Variants in PDE8B observed in about 807,000 individuals in gnomAD.
The protein encoded by PDE8B is phosphodiesterase 8B.
A neutral mutation model predicts 101.3 loss-of-function variants in PDE8B; 26 were observed. The observed-to-expected ratio is 0.26, with a 90% CI of 0.19 to 0.36. The LOEUF is 0.36. Among genes scored for constraint, PDE8B ranks in the 10% least tolerant of loss-of-function variants. The pLI is 1.00. For synonymous variants in PDE8B, 424 were observed against 429.3 expected, an observed-to-expected ratio of 0.99 and a Z score of 0.15; for missense variants, 810 against 1,163.1, an observed-to-expected ratio of 0.70 and a Z score of 4.42.
chr5:77,234,697 T>TC (rs1754319634), intron 1 of PDE8B, among the ~76,000 whole-genome samples: 1 of 152,156 alleles, frequency 6.6e-6, no homozygotes, highest in Admixed American at 6.5e-5. Context: ...TCCAGATTCT[T>TC]CCCCAAGATT....
intron 11 of PDE8B, among the ~76,000 whole-genome samples, chr5:77,403,209 C>T (rs766476533): frequency 6.6e-6 from 1 of 152,062 alleles, no homozygotes; most frequent in African/African-American, 2.4e-5. Flanking sequence ...TTAACATGAC[C>T]GTGCGTTTTC....
intron 10 of PDE8B, among the ~76,000 whole-genome samples, chr5:77,389,003 T>C (rs1429400353): frequency 1.3e-5 from 2 of 152,204 alleles, no homozygotes; most frequent in African/African-American, 4.8e-5. Context: ...CTGAGCTTTC[T>C]GGGCTCTGTG....
chr5:77,219,479 T>C (rs1028723533), intron 1 of PDE8B, among the ~76,000 whole-genome samples: 23 of 152,152 alleles, frequency 1.5e-4, no homozygotes, highest in African/African-American at 5.1e-4. Context: ...AAGATGCCGT[T>C]CTGACGTCAG....
chr5:77,323,907 C>T (rs948294399), intron 2 of PDE8B, among the ~76,000 whole-genome samples: 3 of 151,946 alleles, frequency 2.0e-5, no homozygotes, highest in Non-Finnish European at 2.9e-5. Flanking sequence ...TGCAGTGAGC[C>T]GAGATTGTGC....
intron 10 of PDE8B, among the ~76,000 whole-genome samples, chr5:77,371,138 T>A (rs1785019615): frequency 6.6e-6 from 1 of 152,222 alleles, no homozygotes; most frequent in African/African-American, 2.4e-5. Context: ...TTTGATAGTT[T>A]AATTTGTTAA....
intron 20 of PDE8B, among the ~76,000 whole-genome samples, chr5:77,424,238 C>A (rs763069271): frequency 6.6e-6 from 1 of 152,140 alleles, no homozygotes; most frequent in Admixed American, 6.5e-5. Flanking sequence ...GAGGACCTGA[C>A]GTACTACTCC....
intron 3 of PDE8B, among the ~76,000 whole-genome samples, chr5:77,326,406 T>C (rs549022023): frequency 2.9e-4 from 44 of 152,258 alleles, no homozygotes; most frequent in African/African-American, 1.0e-3. Flanking sequence ...CAAGACAGAG[T>C]CCAGTTGCAT....
chr5:77,189,099 T>C, the PDE8B span, among the ~76,000 whole-genome samples: 1 of 152,166 alleles, frequency 6.6e-6, no homozygotes, highest in Non-Finnish European at 1.5e-5. Flanking sequence ...ACTGCTGTCA[T>C]TCACACCCCC....
chr5:77,312,155 G>C (rs1470627771), intron 2 of PDE8B, 102 bp downstream of exon 2: 2 of 826,726 alleles, frequency 2.4e-6, no homozygotes, highest in African/African-American at 3.6e-5. Context: ...CCAGGCTGGA[G>C]TGTAGAGGCT....
chr5:77,341,185 G>T (rs1334974203), intron 6 of PDE8B, among the ~76,000 whole-genome samples: 4 of 152,060 alleles, frequency 2.6e-5, no homozygotes, highest in Non-Finnish European at 4.4e-5. Context: ...TTTTGCTGCA[G>T]GTTTATTTAA....
At chr5:77,126,994 G>T in the PDE8B span, among the ~76,000 whole-genome samples, 2 of 152,120 alleles carry the variant, frequency 1.3e-5, no homozygotes, top group African/African-American at 4.8e-5. Context: ...TATTGCTACA[G>T]GTATCCTTGC....
chr5:77,144,734 G>A, the PDE8B span: 39 of 152,194 alleles, frequency 2.6e-4, no homozygotes, highest in East Asian at 7.0e-3. Context: ...GGGCAGCAGC[G>A]TTGCAAGGCC....
At chr5:77,200,658 C>T in the PDE8B span, among the ~76,000 whole-genome samples, 1 of 151,866 alleles carries the variant, frequency 6.6e-6, no homozygotes, top group African/African-American at 2.4e-5. Flanking sequence ...AAGTGTGATC[C>T]CTGAGTAAGT....
At chr5:77,124,981 G>A in the PDE8B span, among the ~76,000 whole-genome samples, 38 of 152,184 alleles carry the variant, frequency 2.5e-4, no homozygotes, top group African/African-American at 3.6e-4. Flanking sequence ...GGATTTTCAC[G>A]TTGTTTTGTT....
chr5:77,180,772 C>T, the PDE8B span, among the ~76,000 whole-genome samples: 3 of 152,226 alleles, frequency 2.0e-5, no homozygotes, highest in Non-Finnish European at 4.4e-5. Flanking sequence ...GTCCACCTGG[C>T]GCTTCTCAGC....
chr5:77,421,706 C>T (rs57912585), intron 19 of PDE8B, 115 bp from the exon 20 acceptor site: 42 of 930,174 alleles, frequency 4.5e-5, no homozygotes, highest in South Asian at 1.4e-4. Context: ...CTGCCTTCGC[C>T]GAGTCCCAGT....
chr5:77,311,219 CT>C (rs1772533013), intron 1 of PDE8B, among the ~76,000 whole-genome samples: 1 of 152,178 alleles, frequency 6.6e-6, no homozygotes, highest in Non-Finnish European at 1.5e-5. Context: ...AGAATAGTCA[CT>C]TTTAGAAATC....
At chr5:77,171,141 C>G in the PDE8B span, among the ~76,000 whole-genome samples, 3 of 152,094 alleles carry the variant, frequency 2.0e-5, no homozygotes, top group African/African-American at 7.2e-5. Context: ...TTTACGAAGG[C>G]GAATTCATTT....
In PDE8B at chr5:77,412,200, C is replaced by T. The variant is rs1168030494; in HGVS notation, c.1677C>T (p.Phe559=). 6.2e-6 allele frequency: 10 copies of T among 1,613,944 alleles called. No homozygotes were observed. In the East Asian group the frequency reaches 1.3e-4, roughly 22 times the overall value. The part of the protein sequence containing the change: ...QLLDNEESWD[F]NIFELEAITH... ...TTGATAATGAGGAGAGTTGGGACTT[C>T]AACATCTTTGAATTGGAAGCCATTA... The change falls in exon 16 of 22, where the codon TTC becomes TTT. Residue 559 remains phenylalanine (F), a synonymous_variant. Transcript: ENST00000264917.
Sources: gnomAD v4.1 joint callset for allele counts (sites outside exome capture counted in the v4.1 genomes callset) on GRCh38, gnomAD v4.1.1 for gene constraint, MANE v1.5 for transcripts, NCBI Gene and HGNC (gene_info 2026-07-23, HGNC 2026-07-21) for gene names.